GABBR2: variants seen among roughly 807,000 people sequenced by gnomAD.
The protein encoded by GABBR2 is G-protein coupled receptor 51.
Under a neutral mutation model 105.6 loss-of-function variants are expected in GABBR2, and 23 were observed. That is an observed-to-expected ratio of 0.22 (90% CI 0.16 to 0.31). GABBR2 has a LOEUF of 0.31. Ranked by LOEUF, GABBR2 falls within the 10% of genes least tolerant of loss-of-function variation. GABBR2 has a pLI of 1.00. For missense variants in GABBR2, 734 were observed against 1,245.5 expected, an observed-to-expected ratio of 0.59 and a Z score of 6.18; for synonymous variants, 478 against 499.7, an observed-to-expected ratio of 0.96 and a Z score of 0.58.
chr9:98,464,876 G>A (rs1465823529), intron 6 of GABBR2, among the ~76,000 whole-genome samples: 1 of 151,976 alleles, frequency 6.6e-6, no homozygotes, highest in African/African-American at 2.4e-5. Flanking sequence ...AATGGATTAA[G>A]GGCGGTGCAA....
chr9:98,316,751 C>T (rs10760263), intron 13 of GABBR2, among the ~76,000 whole-genome samples: 45,220 of 152,102 alleles, frequency 0.3, 7,318 homozygotes, highest in East Asian at 0.55. Context: ...GATGTGCTCA[C>T]TGCTGGGTTG....
chr9:98,656,455 T>G (rs1017659846), intron 1 of GABBR2, among the ~76,000 whole-genome samples: 9 of 152,098 alleles, frequency 5.9e-5, no homozygotes, highest in Admixed American at 2.0e-4. Flanking sequence ...AAACAACAGT[T>G]GAGCTGATAT....
chr9:98,699,166 A>G lies in GABBR2; in HGVS notation c.321+9251T>C, dbSNP rs74976821. Among the ~76,000 whole-genome samples, 1,304 of 152,212 alleles carry G rather than the reference A, an allele frequency of 8.6e-3. 20 individuals carry two copies. The highest frequency in any genetic ancestry group is 0.03 in the African/African-American group (1,227 of 41,534). On this transcript the variant is annotated intron_variant, in intron 1 of 18. Transcript: ENST00000259455. Reference sequence around the variant, plus strand: ...AACATGTTTCCTAAGTCCTCCGTCCACTGGTTAGCGTATTGCTCCAATAAA... The same window carrying G: ...AACATGTTTCCTAAGTCCTCCGTCCGCTGGTTAGCGTATTGCTCCAATAAA...
intron 7 of GABBR2, among the ~76,000 whole-genome samples, chr9:98,449,875 T>A (rs573791897): frequency 6.6e-6 from 1 of 152,136 alleles, no homozygotes; most frequent in South Asian, 2.1e-4. Context: ...CCCCAAGTCA[T>A]CAGAGGGCCA....
intron 1 of GABBR2, among the ~76,000 whole-genome samples, chr9:98,641,426 C>T (rs1227362907): frequency 6.6e-6 from 1 of 152,090 alleles, no homozygotes; most frequent in East Asian, 1.9e-4. Flanking sequence ...GCGTGAGCCA[C>T]CACACGTCCA....
At chr9:98,364,295 G>A (rs921047288) in intron 12 of GABBR2, among the ~76,000 whole-genome samples, 1 of 152,230 alleles carries the variant, frequency 6.6e-6, no homozygotes, top group Non-Finnish European at 1.5e-5. Context: ...GAGCTTAGCA[G>A]TTAGGGGATG....
chr9:98,547,131 AT>A lies in GABBR2; in HGVS notation c.460-5089del, dbSNP rs1454278514. On this transcript the variant is annotated intron_variant, in intron 2 of 18. Coordinates refer to ENST00000259455, the MANE Select transcript of GABBR2 (RefSeq NM_005458.8). ...TTTCCTCTACCTGGAAGCCTGAAAG[AT>A]TTTTTTTCCCCTTATTCCTGGAATT... 8.7e-4 allele frequency among the ~76,000 whole-genome samples: 102 copies of A among 116,968 alleles called. 14 individuals are homozygous for A. Among genetic ancestry groups the A allele is most frequent in the African/African-American group, 2.5e-3 (92 of 36,828 alleles). 76.7% of individuals were successfully genotyped at this position (116,968 alleles called of 152,430 possible).
intron 7 of GABBR2, among the ~76,000 whole-genome samples, chr9:98,412,923 C>T (rs1832615172): frequency 1.3e-5 from 2 of 152,176 alleles, no homozygotes; most frequent in African/African-American, 4.8e-5. Context: ...GCCTTTTAGT[C>T]CAATCACATT....
chr9:98,370,432 C>A (rs901822023), intron 12 of GABBR2, among the ~76,000 whole-genome samples: 2 of 152,122 alleles, frequency 1.3e-5, no homozygotes, highest in Non-Finnish European at 2.9e-5. Flanking sequence ...CAGCTCTGAG[C>A]AAGTAAGGTA....
chr9:98,692,734 T>C (rs779514271), intron 1 of GABBR2, among the ~76,000 whole-genome samples: 9 of 152,222 alleles, frequency 5.9e-5, no homozygotes, highest in Non-Finnish European at 1.3e-4. Flanking sequence ...CAGGTATGAA[T>C]GGGACTAAGG....
rs760023782 is a variant in GABBR2, at chr9:98,473,243, C to G, written c.902G>C (p.Arg301Pro). ...EQVHTEANSS[R>P]CLRKNLLAAM... ...AGCAAGCAGATTCTTCCGGAGGCAG[C>G]GGGATGAGTTGGCTTCCGTGTGCAC... The change falls in exon 6 of 19, where the codon CGC becomes CCC. Residue 301 changes from arginine to proline, a missense_variant. Transcript: ENST00000259455. The G allele has an allele frequency of 6.2e-7, 1 of 1,613,520 alleles. No homozygotes were observed. Among genetic ancestry groups the G allele is most frequent in the East Asian group, 2.2e-5 (1 of 44,854 alleles).
At chr9:98,485,752 A>C (rs1335435415) in intron 4 of GABBR2, among the ~76,000 whole-genome samples, 1 of 152,192 alleles carries the variant, frequency 6.6e-6, no homozygotes, top group Non-Finnish European at 1.5e-5. Context: ...CCAAAGAATT[A>C]AGCAAACTTC....
At chr9:98,419,206 T>C (rs1324534999) in intron 7 of GABBR2, among the ~76,000 whole-genome samples, 18 of 151,862 alleles carry the variant, frequency 1.2e-4, no homozygotes, top group Admixed American at 1.2e-3. Context: ...ATCAGAGAAA[T>C]AGGAAAGGAA....
intron 1 of GABBR2, among the ~76,000 whole-genome samples, chr9:98,696,975 C>CA (rs1241835193): frequency 6.6e-6 from 1 of 151,546 alleles, no homozygotes; most frequent in Non-Finnish European, 1.5e-5. Context: ...AATTTGCAAG[C>CA]AAAAAAAGCA....
chr9:98,386,978 G>A (rs1024108771), intron 10 of GABBR2, among the ~76,000 whole-genome samples: 9 of 152,130 alleles, frequency 5.9e-5, no homozygotes, highest in Admixed American at 1.3e-4. Flanking sequence ...TGTTGCCTTG[G>A]ACACACATGA....
chr9:98,548,859 A>G (rs1326808819), intron 2 of GABBR2, among the ~76,000 whole-genome samples: 1 of 121,710 alleles, frequency 8.2e-6, no homozygotes, highest in Non-Finnish European at 1.8e-5. Flanking sequence ...AACATCTAGA[A>G]TATCAATGAG....
intron 1 of GABBR2, among the ~76,000 whole-genome samples, chr9:98,658,338 T>C (rs1370248062): frequency 6.6e-6 from 1 of 152,182 alleles, no homozygotes; most frequent in Non-Finnish European, 1.5e-5. Context: ...TATTTATTTA[T>C]AAAGCTCCCC....
At chr9:98,479,125 G>A (rs1190171125) in intron 5 of GABBR2, among the ~76,000 whole-genome samples, 2 of 151,884 alleles carry the variant, frequency 1.3e-5, no homozygotes, top group Non-Finnish European at 2.9e-5. Flanking sequence ...GTCCTCCTTC[G>A]ATTTCAATGT....
chr9:98,465,236 G>C (rs1366727928), intron 6 of GABBR2, among the ~76,000 whole-genome samples: 1 of 144,724 alleles, frequency 6.9e-6, no homozygotes, highest in African/African-American at 2.6e-5. Flanking sequence ...AATATATAAA[G>C]TCATTTGCTT....
Sources: allele counts gnomAD v4.1 joint callset (sites outside exome capture counted in the v4.1 genomes callset), GRCh38; gene constraint gnomAD v4.1.1; transcripts MANE v1.5; gene names NCBI Gene and HGNC (gene_info 2026-07-23, HGNC 2026-07-21).